EDA: variants seen among roughly 807,000 people sequenced by gnomAD.
EDA encodes ectodysplasin A, also known as ectodysplasin-A.
A neutral mutation model predicts 23.6 loss-of-function variants in EDA; 2 were observed. The observed-to-expected ratio is 0.08, with a 90% confidence interval of 0.03 to 0.27. The LOEUF (loss-of-function observed/expected upper bound fraction) is 0.27. EDA is among the 10% of genes least tolerant of loss of function. The probability of loss-of-function intolerance (pLI) is 1.00; values close to 1 mark genes in which losing one functional copy is unlikely to be tolerated. For missense variants in EDA, 229 were observed against 324.2 expected, an observed-to-expected ratio of 0.71 and a Z score of 2.26; for synonymous variants, 131 against 132.0, an observed-to-expected ratio of 0.99 and a Z score of 0.05.
intron 1 of EDA, among the ~76,000 whole-genome samples, chrX:69,838,110 A>G (rs766759879): frequency 3.6e-5 from 4 of 112,392 alleles, no homozygotes; most frequent in Non-Finnish European, 7.5e-5. Context: ...TTTATGGTAA[A>G]GAACAGGCTG....
At chrX:69,815,674 C>A (rs968691456) in intron 1 of EDA, among the ~76,000 whole-genome samples, 14 of 112,397 alleles carry the variant, frequency 1.2e-4, no homozygotes, top group African/African-American at 4.5e-4. Context: ...ACAGACAAAT[C>A]TCTGATCTCT....
chrX:69,751,426 G>T (rs1235549900), intron 1 of EDA, among the ~76,000 whole-genome samples: 4 of 112,223 alleles, frequency 3.6e-5, no homozygotes, highest in African/African-American at 1.3e-4. Context: ...TGGTTACGGT[G>T]GCCTTGTAGT....
chrX:69,956,731 C>T (rs2019013842), intron 1 of EDA, among the ~76,000 whole-genome samples: 1 of 111,946 alleles, frequency 8.9e-6, no homozygotes, highest in Non-Finnish European at 1.9e-5. Flanking sequence ...AAATTTGTGG[C>T]TAGGCTCTCT....
At chrX:69,963,591 TAAAATATCTAGCTTGCTCATACTCC>T (rs2019134668) in intron 2 of EDA, among the ~76,000 whole-genome samples, 1 of 112,119 alleles carries the variant, frequency 8.9e-6, no homozygotes, top group Non-Finnish European at 1.9e-5. Context: ...TTAAGTAAGC[TAAAATATCTAGCTTGCTCATACTCC>T]AAAATATCCT....
intron 1 of EDA, among the ~76,000 whole-genome samples, chrX:69,731,768 A>G (rs187299982): frequency 4.5e-5 from 5 of 111,818 alleles, no homozygotes; most frequent in Admixed American, 2.9e-4. Context: ...TTAATACTAT[A>G]AATGTCCCCT....
Position 69,975,059 on chromosome X carries a change from T to A in EDA, c.502+17927T>A, listed in dbSNP as rs748911684. On this transcript the variant is annotated intron_variant, in intron 2 of 7. Coordinates refer to ENST00000374552, the MANE Select transcript of EDA (RefSeq NM_001399.5). Reference sequence around the variant, plus strand: ...ACCACTGTGGAAAGCAGTTTGGAGATTGCTCAAAGAACTAAAAGTAGAACT... The same window carrying A: ...ACCACTGTGGAAAGCAGTTTGGAGAATGCTCAAAGAACTAAAAGTAGAACT... Among the ~76,000 whole-genome samples, 9 of 111,888 alleles carry A rather than the reference T, an allele frequency of 8.0e-5. No homozygotes were observed. In the East Asian group the frequency reaches 2.5e-3, roughly 31 times the overall value.
intron 2 of EDA, among the ~76,000 whole-genome samples, chrX:69,992,516 A>G (rs1365009627): frequency 8.9e-6 from 1 of 112,413 alleles, no homozygotes; most frequent in Non-Finnish European, 1.9e-5. Context: ...TTGCTCTTAT[A>G]TGAATATGCC....
At chrX:69,891,868 G>T (rs1329183786) in intron 1 of EDA, among the ~76,000 whole-genome samples, 1 of 110,912 alleles carries the variant, frequency 9.0e-6, no homozygotes, top group Non-Finnish European at 1.9e-5. Flanking sequence ...CGTGGCACAC[G>T]TTTACCTATG....
chrX:69,808,469 A>C (rs1357308992), intron 1 of EDA, among the ~76,000 whole-genome samples: 1 of 111,550 alleles, frequency 9.0e-6, no homozygotes, highest in Admixed American at 9.5e-5. Flanking sequence ...GGCATGATTG[A>C]TTCATTTATT....
intron 1 of EDA, among the ~76,000 whole-genome samples, chrX:69,806,676 C>T (rs955998243): frequency 5.4e-5 from 6 of 110,618 alleles, no homozygotes; most frequent in Non-Finnish European, 7.6e-5. Context: ...AACATGATAT[C>T]GTACCTTGAC....
chrX:69,778,403 A>G (rs1242310329), intron 1 of EDA, among the ~76,000 whole-genome samples: 3 of 111,598 alleles, frequency 2.7e-5, no homozygotes, highest in East Asian at 5.6e-4. Context: ...AGTAATAAAT[A>G]GTGATCTAAA....
chrX:69,692,497 G>T (rs999303224), intron 1 of EDA, among the ~76,000 whole-genome samples: 1 of 111,627 alleles, frequency 9.0e-6, no homozygotes, highest in African/African-American at 3.3e-5. Context: ...ATTCTCAAGA[G>T]ACCTGCCTTA....
intron 1 of EDA, among the ~76,000 whole-genome samples, chrX:69,952,565 C>A (rs1370989690): frequency 2.7e-5 from 3 of 112,022 alleles, no homozygotes; most frequent in African/African-American, 9.7e-5. Flanking sequence ...CACAGCCAAA[C>A]CATGAACTAT....
chrX:69,795,925 G>A (rs921001312), intron 1 of EDA, among the ~76,000 whole-genome samples: 29 of 111,372 alleles, frequency 2.6e-4, no homozygotes, highest in African/African-American at 8.8e-4. Context: ...TGCCCAGCCC[G>A]GTCCACCACC....
chrX:69,682,234 C>T (rs1354408776), intron 1 of EDA, among the ~76,000 whole-genome samples: 1 of 112,256 alleles, frequency 8.9e-6, no homozygotes, highest in Admixed American at 9.4e-5. Context: ...AGCTGTCAGA[C>T]AGGGGCATTT....
chrX:69,688,159 T>C (rs1325833165), intron 1 of EDA, among the ~76,000 whole-genome samples: 2 of 111,861 alleles, frequency 1.8e-5, no homozygotes, highest in East Asian at 5.6e-4. Flanking sequence ...CAGCACCTCA[T>C]TCCTGAAGCA....
chrX:69,731,921 A>G (rs772082464), intron 1 of EDA, among the ~76,000 whole-genome samples: 49 of 111,469 alleles, frequency 4.4e-4, no homozygotes, highest in African/African-American at 1.4e-3. Flanking sequence ...TGATCAGATT[A>G]AGGCAGTTGC....
intron 2 of EDA, among the ~76,000 whole-genome samples, chrX:70,012,646 T>C (rs1456573767): frequency 8.9e-6 from 1 of 112,737 alleles, no homozygotes; most frequent in East Asian, 2.8e-4. Context: ...TCCCAAGGGA[T>C]ATGCCAAATG....
At chrX:69,926,935 G>C (rs1456366544) in intron 1 of EDA, among the ~76,000 whole-genome samples, 1 of 110,916 alleles carries the variant, frequency 9.0e-6, no homozygotes, top group African/African-American at 3.3e-5. Flanking sequence ...TTTGATCTTT[G>C]TTTTTTTAAA....
Sources: allele counts gnomAD v4.1 joint callset (sites outside exome capture counted in the v4.1 genomes callset), GRCh38; gene constraint gnomAD v4.1.1; transcripts MANE v1.5; gene names NCBI Gene and HGNC (gene_info 2026-07-23, HGNC 2026-07-21).